The following MCUB variants were observed in gnomAD, a reference collection of about 807,000 sequenced individuals.
MCUB encodes the protein calcium uniporter regulatory subunit MCUb, mitochondrial.
In MCUB, 46 loss-of-function variants were observed where a neutral mutation model predicts 41.4. The observed-to-expected ratio is 1.11, with a 90% CI of 0.88 to 1.42. The LOEUF is 1.42. Among genes scored for constraint, MCUB ranks in the 40% most tolerant of loss-of-function variants. The pLI is 0.00. For missense variants in MCUB, 403 were observed against 404.9 expected (o/e 1.00, Z 0.04); for synonymous variants, 148 against 148.2 (o/e 1.00, Z 0.01).
intron 1 of MCUB, among the ~76,000 whole-genome samples, chr4:109,562,653 G>C (rs1339352343): frequency 4.6e-5 from 7 of 152,120 alleles, no homozygotes; most frequent in Non-Finnish European, 8.8e-5. Context: ...GAAGCAGCTA[G>C]AAAAACAAGT....
chr4:109,671,866 TA>T (rs1729466085), intron 4 of MCUB, among the ~76,000 whole-genome samples: 3 of 152,158 alleles, frequency 2.0e-5, no homozygotes, highest in Admixed American at 1.3e-4. Context: ...TGTGAGGTTT[TA>T]TGTGGCTAGG....
rs540268769 is a variant in MCUB at position 109,602,944 on chromosome 4, C to T, written c.99+42508C>T. On this transcript the variant is annotated intron_variant, in intron 1 of 7. Transcript: ENST00000394650. ...TTTGGTTAATTCCTAGATATTTTAT[C>T]TGTGGCTATTGTAAATGGGATTACT... Among the ~76,000 whole-genome samples the T allele has an allele frequency of 2.1e-4, 32 of 152,298 alleles. 1 individual carries two copies. In the East Asian group the frequency reaches 6.2e-3, roughly 29 times the overall value.
In MCUB at chr4:109,656,322, G is replaced by GTAAAGGGAGGGGCTCTAACTT. The variant is rs1332277653; in HGVS notation, c.100-2687_100-2667dup. ...GGGAGACTTCCAGGATTATAGAGAA[G>GTAAAGGGAGGGGCTCTAACTT]TAAAGGGAGGGGCTCTAACTTTTAC... On this transcript the variant is annotated intron_variant, in intron 1 of 7. Transcript: ENST00000394650. 2.5e-3 allele frequency among the ~76,000 whole-genome samples: 360 copies of GTAAAGGGAGGGGCTCTAACTT among 141,824 alleles called. 2 individuals carry two copies. Among genetic ancestry groups the GTAAAGGGAGGGGCTCTAACTT allele is most frequent in the Non-Finnish European group, 4.7e-3 (307 of 65,686 alleles). The allele number at this position is 141,824 out of a possible 152,430, so 93.0% of individuals were successfully genotyped here. A position where few individuals can be genotyped will look rare whatever the true frequency, so the allele number is the denominator to read the frequency against.
At chr4:109,657,590 T>A (rs7690921) in intron 1 of MCUB, among the ~76,000 whole-genome samples, 113,727 of 152,196 alleles carry the variant, frequency 0.75, 43,353 homozygotes, top group African/African-American at 0.91. Flanking sequence ...GATCAGTATG[T>A]TACAGCCACC....
intron 1 of MCUB, among the ~76,000 whole-genome samples, chr4:109,644,022 C>T (rs1333163314): frequency 6.6e-6 from 1 of 150,964 alleles, no homozygotes; most frequent in African/African-American, 2.4e-5. Context: ...GGAGGCTGCC[C>T]GATTAAAAAA....
intron 1 of MCUB, among the ~76,000 whole-genome samples, chr4:109,563,881 C>G (rs1726698601): frequency 6.6e-6 from 1 of 151,718 alleles, no homozygotes; most frequent in African/African-American, 2.4e-5. Context: ...GCCACCGCGC[C>G]CAGCCCACAG....
rs552063215 is a variant in MCUB at position 109,589,366 on chromosome 4, T to A, written c.99+28930T>A. ...TTTGTCTCCCCTCTAGGAATAACTT[T>A]CCAGGGAGTTTACTGAAAACTTGGT... On this transcript the variant is annotated intron_variant, in intron 1 of 7. Transcript: ENST00000394650. Among the ~76,000 whole-genome samples the A allele has an allele frequency of 3.3e-5, 5 of 152,276 alleles. No individual in the cohort carries two copies. The South Asian group carries it at 1.0e-3, about 32-fold the overall frequency.
At chr4:109,636,253 G>A (rs1254932057) in intron 1 of MCUB, among the ~76,000 whole-genome samples, 1 of 152,138 alleles carries the variant, frequency 6.6e-6, no homozygotes, top group East Asian at 1.9e-4. Flanking sequence ...TATGAACTGG[G>A]TAGATACCCT....
chr4:109,625,314 A>G (rs1728338470), intron 1 of MCUB, among the ~76,000 whole-genome samples: 1 of 152,188 alleles, frequency 6.6e-6, no homozygotes, highest in African/African-American at 2.4e-5. Flanking sequence ...CCCATCATCC[A>G]GCAATTAATT....
chr4:109,684,223 C>T (rs1449410156), intron 5 of MCUB, among the ~76,000 whole-genome samples: 3 of 152,000 alleles, frequency 2.0e-5, no homozygotes, highest in South Asian at 2.1e-4. Context: ...CCACCATGCC[C>T]GGCTAATTTT....
chr4:109,597,494 T>A (rs1727593099), intron 1 of MCUB, among the ~76,000 whole-genome samples: 1 of 139,692 alleles, frequency 7.2e-6, no homozygotes, highest in African/African-American at 2.7e-5. Flanking sequence ...ACGGGGCGGC[T>A]GGCCGGGCGG....
intron 1 of MCUB, among the ~76,000 whole-genome samples, chr4:109,614,662 G>A (rs1421786318): frequency 2.0e-5 from 3 of 149,488 alleles, no homozygotes; most frequent in East Asian, 3.9e-4. Flanking sequence ...GACCCCCAGG[G>A]ACTCAAGGTC....
At chr4:109,570,971 T>C (rs1344671200) in intron 1 of MCUB, among the ~76,000 whole-genome samples, 1 of 152,188 alleles carries the variant, frequency 6.6e-6, no homozygotes, top group East Asian at 1.9e-4. Flanking sequence ...AGATGTATAA[T>C]GAATTCCTGT....
chr4:109,609,185 T>G (rs146657437), intron 1 of MCUB, among the ~76,000 whole-genome samples: 2,820 of 152,250 alleles, frequency 0.019, 69 homozygotes, highest in South Asian at 0.075. Context: ...GTGCAAGAAA[T>G]AATTCAGGGT....
rs200586659 is a variant in MCUB at position 109,660,376 on chromosome 4, A to G, written c.346+11A>G. 2.3e-4 allele frequency: 350 copies of G among 1,513,394 alleles called. 1 individual carries two copies. The highest frequency in any genetic ancestry group is 2.9e-4 in the Non-Finnish European group (319 of 1,107,218). The allele number at this position is 1,513,394 out of a possible 1,614,324, so 93.7% of individuals were successfully genotyped here. On this transcript the variant is annotated intron_variant, in intron 3 of 7. Coordinates refer to ENST00000394650, the MANE Select transcript of MCUB (RefSeq NM_017918.5). ...CCATCTTCACAGCAGGTATATATGT[A>G]TATAATTTTACAACTTTGTCCCAGG... is the stretch of plus-strand genomic sequence containing the variant.
intron 1 of MCUB, among the ~76,000 whole-genome samples, chr4:109,624,249 A>G (rs1401412544): frequency 2.0e-5 from 3 of 152,198 alleles, no homozygotes; most frequent in African/African-American, 7.2e-5. Context: ...TTGCTGCCAA[A>G]CACAACCACA....
At chr4:109,565,157 T>C (rs147565684) in intron 1 of MCUB, among the ~76,000 whole-genome samples, 2 of 152,368 alleles carry the variant, frequency 1.3e-5, no homozygotes, top group East Asian at 3.9e-4. Flanking sequence ...GGTGGTGATA[T>C]GACCAGAGGA....
At chr4:109,593,122 C>T (rs28461420) in intron 1 of MCUB, among the ~76,000 whole-genome samples, 1,863 of 152,200 alleles carry the variant, frequency 0.012, 24 homozygotes, top group African/African-American at 0.038. Flanking sequence ...AATATAAATG[C>T]GTGCATCTTT....
At chr4:109,641,267 A>AT (rs70954174) in intron 1 of MCUB, among the ~76,000 whole-genome samples, 58 of 136,758 alleles carry the variant, frequency 4.2e-4, no homozygotes, top group South Asian at 1.2e-3. Flanking sequence ...TACTTTTTGT[A>AT]TTTTTTTTTT....
Sources: gnomAD v4.1 joint callset for allele counts (sites outside exome capture counted in the v4.1 genomes callset) on GRCh38, gnomAD v4.1.1 for gene constraint, MANE v1.5 for transcripts, NCBI Gene and HGNC (gene_info 2026-07-23, HGNC 2026-07-21) for gene names.